NRL: variants seen among roughly 807,000 people sequenced by gnomAD.
The protein encoded by NRL is neural retina leucine zipper, also known as neural retina-specific leucine zipper protein.
A neutral mutation model predicts 12.5 loss-of-function variants in NRL; 16 were observed. That is an observed-to-expected ratio of 1.28 (90% CI 0.87 to 1.95). The LOEUF (loss-of-function observed/expected upper bound fraction) is 1.95. Among genes scored for constraint, NRL ranks in the 30% most tolerant of loss-of-function variants. NRL has a pLI of 0.00. For synonymous variants in NRL, 142 were observed against 150.9 expected (o/e 0.94, Z 0.43); for missense variants, 314 against 325.8 (o/e 0.96, Z 0.28).
Position 24,103,741 on chromosome 14 carries a change from G to A in NRL, c.-28+10981C>T, listed in dbSNP as rs781741619. ...TGCCGGCGGTTAGAGGGGGAGGACA[G>A]TGCCCGAGAGACACCCATTGGGCTG... On this transcript the variant is annotated intron_variant, in intron 1 of 2. Coordinates refer to ENST00000561028, the MANE Select transcript of NRL (RefSeq NM_001354768.3). 9 of 1,614,212 alleles carry A rather than the reference G, an allele frequency of 5.6e-6. No individual in the cohort carries two copies. The South Asian group carries it at 9.9e-5, about 18-fold the overall frequency.
chr14:24,100,271 A>C, intron 1 of NRL: 1 of 1,591,652 alleles, frequency 6.3e-7, no homozygotes, highest in Non-Finnish European at 8.5e-7. Flanking sequence ...TTAATGGTGG[A>C]AAAGCTTTCT....
chr14:24,113,576 C>T (rs1022622149), intron 1 of NRL, among the ~76,000 whole-genome samples: 2 of 152,180 alleles, frequency 1.3e-5, no homozygotes, highest in Non-Finnish European at 2.9e-5. Context: ...ATCAGTGGAG[C>T]CGAGTGCAAG....
intron 1 of NRL, chr14:24,103,747 G>T (rs539372532): frequency 1.9e-6 from 3 of 1,614,196 alleles, no homozygotes; most frequent in Non-Finnish European, 2.5e-6. Context: ...GACAGTGCCC[G>T]AGAGACACCC....
chr14:24,088,368 C>G (rs2036517630), intron 1 of NRL, among the ~76,000 whole-genome samples: 1 of 152,244 alleles, frequency 6.6e-6, no homozygotes, highest in Non-Finnish European at 1.5e-5. Context: ...TGTGGACAGA[C>G]TTGGGATGGC....
chr14:24,093,657 T>A (rs1240410126), intron 1 of NRL: 2 of 155,842 alleles, frequency 1.3e-5, no homozygotes, highest in Non-Finnish European at 2.8e-5. Flanking sequence ...CACTCCAGCC[T>A]GGGTGACAGA....
chr14:24,103,497 G>T (rs2037249838), intron 1 of NRL: 2 of 1,532,776 alleles, frequency 1.3e-6, no homozygotes, highest in African/African-American at 2.8e-5. Context: ...TACCCATCTT[G>T]CTTCCCCCCC....
chr14:24,090,784 G>A (rs971259968), intron 1 of NRL, among the ~76,000 whole-genome samples: 7 of 152,248 alleles, frequency 4.6e-5, no homozygotes, highest in African/African-American at 1.4e-4. Flanking sequence ...GTGTGTGGCA[G>A]ATAAGGGGAA....
chr14:24,114,798 G>T lies in NRL; in HGVS notation c.-104C>A. On this transcript the variant is annotated 5_prime_UTR_variant, in exon 1 of 3. Coordinates refer to ENST00000561028, the MANE Select transcript of NRL (RefSeq NM_001354768.3). ...CGTCGTGTGACGTTTGCAGCCCGCCGGCCAGGAAGCCGCGAGATGCGTGAC... is the reference window on the plus strand; with the variant it reads ...CGTCGTGTGACGTTTGCAGCCCGCCTGCCAGGAAGCCGCGAGATGCGTGAC... 1 of 985,978 alleles carries T rather than the reference G, an allele frequency of 1.0e-6. No individual in the cohort carries two copies. 61.1% of individuals were successfully genotyped at this position (985,978 alleles called of 1,614,324 possible).
At position 24,114,903 on chromosome 14, in the gene NRL, G is replaced by A; in HGVS notation, c.-209C>T. 1.0e-6 allele frequency: 1 copy of A among 985,944 alleles called. No homozygotes were observed. Among genetic ancestry groups the A allele is most frequent in the African/African-American group, 1.7e-5 (1 of 57,364 alleles). The allele number at this position is 985,944 out of a possible 1,614,324, so 61.1% of individuals were successfully genotyped here. On this transcript the variant is annotated 5_prime_UTR_variant, in exon 1 of 3. Transcript: ENST00000561028. Reference sequence around the variant, plus strand: ...TAAACAAGGCCTCGCGCCGCTGCGGGTCCTGCGACCGCTCCTGGCTGGTGG... The same window carrying A: ...TAAACAAGGCCTCGCGCCGCTGCGGATCCTGCGACCGCTCCTGGCTGGTGG...
intron 1 of NRL, among the ~76,000 whole-genome samples, chr14:24,111,344 G>A (rs2037415906): frequency 6.9e-6 from 1 of 145,514 alleles, no homozygotes; most frequent in Non-Finnish European, 1.5e-5. Context: ...TACCGGAAGA[G>A]GCATAGGTGT....
chr14:24,094,439 G>C lies in NRL; in HGVS notation c.-27-11564C>G. 1 of 1,544,360 alleles carries C rather than the reference G, an allele frequency of 6.5e-7. No individual in the cohort carries two copies. The highest frequency in any genetic ancestry group is 8.7e-7 in the Non-Finnish European group (1 of 1,151,294). On this transcript the variant is annotated intron_variant, in intron 1 of 2. Transcript: ENST00000561028. This position sits in a 1 kb window ranked among gnomAD's most constrained non-coding sequence, Gnocchi z 4.1. ...ATTGTACCGCCCTGGCCTGCGGTGA[G>C]TGACCCCCGGCCCGGGGCCCACCCG...
rs1210780093 is a variant in NRL at position 24,082,128 on chromosome 14, C to T, written c.381+340G>A. 3 of 1,220,574 alleles carry T rather than the reference C, an allele frequency of 2.5e-6. No homozygotes were observed. In the African/African-American group the frequency reaches 4.6e-5, roughly 19 times the overall value. The allele number at this position is 1,220,574 out of a possible 1,614,324, so 75.6% of individuals were successfully genotyped here. ...AAACCAGTCTTAACCCAGCTCCACT[C>T]CACACATAACCCTTTCCCTGGTTTC... On this transcript the variant is annotated intron_variant, in intron 2 of 2. Transcript: ENST00000561028.
intron 1 of NRL, among the ~76,000 whole-genome samples, chr14:24,107,055 CGT>C (rs1386568627): frequency 2.0e-5 from 3 of 152,046 alleles, no homozygotes; most frequent in Non-Finnish European, 4.4e-5. Context: ...GCCCTGTAAG[CGT>C]ATATTACATA....
chr14:24,089,884 G>A (rs138757374), intron 1 of NRL, among the ~76,000 whole-genome samples: 1 of 152,272 alleles, frequency 6.6e-6, no homozygotes, highest in African/African-American at 2.4e-5. Context: ...AGGCAGGAAA[G>A]ATGTAGACAT....
At chr14:24,091,740 T>G (rs1243710253) in intron 1 of NRL, among the ~76,000 whole-genome samples, 1 of 152,156 alleles carries the variant, frequency 6.6e-6, no homozygotes, top group Non-Finnish European at 1.5e-5. Flanking sequence ...AAAGCAATTT[T>G]ATTTGTATGT....
In NRL at chr14:24,082,566, C is replaced by A. The variant is rs758097534; in HGVS notation, c.283G>T (p.Ala95Ser). ...CCCTGACCCTGCAGCAGCTCCATGGCCTCTTCAGGACTCAGCCCCAATGCC... is the reference window on the plus strand; with the variant it reads ...CCCTGACCCTGCAGCAGCTCCATGGACTCTTCAGGACTCAGCCCCAATGCC... ...GEALGLSPEE[A>S]MELLQGQGPV... The change falls in exon 2 of 3, where the codon GCC becomes TCC. Residue 95 changes from alanine (A) to serine (S), a missense_variant. Ala to Ser is a moderately conservative substitution (Grantham distance 99). Coordinates refer to ENST00000561028, the MANE Select transcript of NRL (RefSeq NM_001354768.3). 1.1e-5 allele frequency: 18 copies of A among 1,613,584 alleles called. No homozygotes were observed. In the South Asian group the frequency reaches 1.9e-4, roughly 17 times the overall value.
At chr14:24,091,365 G>A (rs540233074) in intron 1 of NRL, among the ~76,000 whole-genome samples, 2 of 152,252 alleles carry the variant, frequency 1.3e-5, no homozygotes, top group South Asian at 4.2e-4. Flanking sequence ...TGGCCAGGAT[G>A]GTGTGTGTTT....
rs1371046303 is a variant in NRL, at chr14:24,102,542, A to G, written c.-28+12180T>C. On this transcript the variant is annotated intron_variant, in intron 1 of 2. Coordinates refer to ENST00000561028, the MANE Select transcript of NRL (RefSeq NM_001354768.3). Reference sequence around the variant, plus strand: ...AATTCCTCTCCCACTCTTTTCTCACATAGCTCAGCTGGCCGCACCTTCATG... The same window carrying G: ...AATTCCTCTCCCACTCTTTTCTCACGTAGCTCAGCTGGCCGCACCTTCATG... The G allele has an allele frequency of 4.2e-5, 23 of 543,662 alleles. 1 individual carries two copies. The highest frequency in any genetic ancestry group is 4.9e-4 in the Middle Eastern group (1 of 2,060). 33.7% of individuals were successfully genotyped at this position (543,662 alleles called of 1,614,324 possible).
intron 1 of NRL, chr14:24,103,261 C>T: frequency 6.3e-7 from 1 of 1,594,930 alleles, no homozygotes; most frequent in Non-Finnish European, 8.6e-7. Context: ...CAAAGGTGAG[C>T]ACCCTCACCA....
Sources: allele counts gnomAD v4.1 joint callset (sites outside exome capture counted in the v4.1 genomes callset), GRCh38; gene constraint gnomAD v4.1.1; non-coding constraint Gnocchi (gnomAD v3.1); transcripts MANE v1.5; gene names NCBI Gene and HGNC (gene_info 2026-07-23, HGNC 2026-07-21).